GALNT13: variants seen among roughly 807,000 people sequenced by gnomAD.
GALNT13 encodes polypeptide N-acetylgalactosaminyltransferase 13.
GALNT13 carries 28 observed loss-of-function variants against 64.2 expected under a neutral mutation model. That is an observed-to-expected ratio of 0.44 (90% CI 0.32 to 0.60). GALNT13 has a LOEUF of 0.60. GALNT13 is among the 20% of genes least tolerant of loss of function. The pLI is 0.05. For missense variants in GALNT13, 577 were observed against 669.8 expected (o/e 0.86, Z 1.53); for synonymous variants, 214 against 224.6 (o/e 0.95, Z 0.42).
the GALNT13 span, among the ~76,000 whole-genome samples, chr2:153,257,814 A>G: frequency 6.6e-6 from 1 of 152,182 alleles, no homozygotes; most frequent in African/African-American, 2.4e-5. Context: ...TTCTTTTGCA[A>G]TAGGACACAA....
At chr2:154,294,813 C>T (rs1692822417) in intron 8 of GALNT13, among the ~76,000 whole-genome samples, 1 of 152,162 alleles carries the variant, frequency 6.6e-6, no homozygotes, top group Admixed American at 6.5e-5. Flanking sequence ...TGTTCAGATT[C>T]TTCTTGGCCT....
intron 8 of GALNT13, among the ~76,000 whole-genome samples, chr2:154,283,677 C>A (rs549666777): frequency 5.2e-4 from 78 of 151,282 alleles, no homozygotes; most frequent in African/African-American, 1.7e-3. Flanking sequence ...CTAATATATA[C>A]AAAATACACA....
chr2:153,448,158 A>G, the GALNT13 span, among the ~76,000 whole-genome samples: 1 of 152,178 alleles, frequency 6.6e-6, no homozygotes, highest in Non-Finnish European at 1.5e-5. Flanking sequence ...GGGTACTGAT[A>G]TGGATAAAAG....
At chr2:153,185,054 A>G in the GALNT13 span, among the ~76,000 whole-genome samples, 2 of 152,144 alleles carry the variant, frequency 1.3e-5, no homozygotes, top group Non-Finnish European at 2.9e-5. Flanking sequence ...TCTTCTTTGT[A>G]TCTCTAGTAG....
chr2:153,979,187 T>G lies in GALNT13; in HGVS notation c.142+34548T>G, dbSNP rs556511190. On this transcript the variant is annotated intron_variant, in intron 3 of 12. Transcript: ENST00000392825. ...TCACACACAATTTCTTAAAATAAAC[T>G]ATTTAATTTACATTTACTTATAATG... 1.6e-4 allele frequency among the ~76,000 whole-genome samples: 25 copies of G among 152,302 alleles called. No homozygotes were observed. In the South Asian group the frequency reaches 5.0e-3, roughly 30 times the overall value.
In GALNT13 at chr2:154,323,726, C is replaced by T. The variant is rs529110841; in HGVS notation, c.1156+22137C>T. ...CCAGTGATAGTTACCCAGAGTATCTCCAACTTCCTGTTACCATTAGTTTCA... is the reference window on the plus strand; with the variant it reads ...CCAGTGATAGTTACCCAGAGTATCTTCAACTTCCTGTTACCATTAGTTTCA... On this transcript the variant is annotated intron_variant, in intron 9 of 12. Transcript: ENST00000392825. 1.1e-4 allele frequency among the ~76,000 whole-genome samples: 16 copies of T among 152,188 alleles called. No homozygotes were observed. In the East Asian group the frequency reaches 2.9e-3, roughly 28 times the overall value.
At chr2:153,762,024 CT>C in the GALNT13 span, 1 of 156,794 alleles carries the variant, frequency 6.4e-6, no homozygotes. Flanking sequence ...CTTCTAGAAT[CT>C]TTTCCCCTCA....
the GALNT13 span, among the ~76,000 whole-genome samples, chr2:153,236,320 C>T: frequency 6.6e-6 from 1 of 152,078 alleles, no homozygotes; most frequent in Non-Finnish European, 1.5e-5. Context: ...ATGAAGGTGG[C>T]TACACTAAAC....
chr2:154,126,654 AC>A (rs1250646671), intron 3 of GALNT13, among the ~76,000 whole-genome samples: 3 of 151,434 alleles, frequency 2.0e-5, no homozygotes, highest in Non-Finnish European at 4.4e-5. Flanking sequence ...AAAAAAAAAA[AC>A]AAAAAAAAGA....
intron 8 of GALNT13, among the ~76,000 whole-genome samples, chr2:154,276,603 A>G (rs1254139582): frequency 6.6e-6 from 1 of 152,202 alleles, no homozygotes; most frequent in African/African-American, 2.4e-5. Flanking sequence ...ATGAGTTAAG[A>G]TGCCTCCTCA....
intron 3 of GALNT13, among the ~76,000 whole-genome samples, chr2:153,988,030 T>A (rs1694910520): frequency 6.7e-6 from 1 of 149,992 alleles, no homozygotes; most frequent in Non-Finnish European, 1.5e-5. Flanking sequence ...TGACAAATAA[T>A]TGTATACATT....
chr2:153,168,475 A>T, the GALNT13 span, among the ~76,000 whole-genome samples: 1 of 152,326 alleles, frequency 6.6e-6, no homozygotes, highest in Admixed American at 6.5e-5. Flanking sequence ...TGCTATATAT[A>T]CATTATGAAA....
chr2:154,445,702 T>C (rs988804003), intron 12 of GALNT13: 6 of 588,314 alleles, frequency 1.0e-5, no homozygotes, highest in African/African-American at 9.8e-5. Flanking sequence ...AAAACATAAA[T>C]CCAATAATTT....
the GALNT13 span, among the ~76,000 whole-genome samples, chr2:153,277,366 T>C: frequency 6.6e-6 from 1 of 152,336 alleles, no homozygotes; most frequent in Non-Finnish European, 1.5e-5. Flanking sequence ...TCATCTATTT[T>C]GTTGCAAAGT....
the GALNT13 span, among the ~76,000 whole-genome samples, chr2:153,299,461 C>T: frequency 6.6e-6 from 1 of 152,166 alleles, no homozygotes; most frequent in Admixed American, 6.5e-5. Flanking sequence ...AACTGTTAGT[C>T]AACCCAGACC....
intron 3 of GALNT13, among the ~76,000 whole-genome samples, chr2:153,992,130 G>T (rs1396792850): frequency 1.3e-5 from 2 of 152,030 alleles, no homozygotes; most frequent in African/African-American, 4.8e-5. Flanking sequence ...ACTTACCATT[G>T]TTATGTTTTT....
intron 2 of GALNT13, among the ~76,000 whole-genome samples, chr2:153,933,573 A>G (rs1008370203): frequency 3.9e-5 from 6 of 152,146 alleles, no homozygotes; most frequent in African/African-American, 7.2e-5. Flanking sequence ...GGGGATGTTT[A>G]GCCTCTTTAT....
chr2:153,305,477 T>C, the GALNT13 span, among the ~76,000 whole-genome samples: 1 of 152,214 alleles, frequency 6.6e-6, no homozygotes, highest in Non-Finnish European at 1.5e-5. Context: ...AAAATAATGA[T>C]ACCAATCTCT....
chr2:153,519,573 G>A, the GALNT13 span, among the ~76,000 whole-genome samples: 1 of 152,042 alleles, frequency 6.6e-6, no homozygotes, highest in Non-Finnish European at 1.5e-5. Flanking sequence ...TATAAATGTA[G>A]GGTTTATTTA....
Sources: gnomAD v4.1 joint callset for allele counts (sites outside exome capture counted in the v4.1 genomes callset) on GRCh38, gnomAD v4.1.1 for gene constraint, MANE v1.5 for transcripts, NCBI Gene and HGNC (gene_info 2026-07-23, HGNC 2026-07-21) for gene names.